The following IFT122 variants were observed in gnomAD, a reference collection of about 807,000 sequenced individuals.
IFT122 encodes the protein intraflagellar transport 122.
Under a neutral mutation model 161.6 loss-of-function variants are expected in IFT122, and 118 were observed. The observed-to-expected ratio is 0.73, with a 90% confidence interval of 0.63 to 0.85. The LOEUF is 0.85. Among genes scored for constraint, IFT122 ranks in the 40% least tolerant of loss-of-function variants. IFT122 has a pLI of 0.00. For missense variants in IFT122, 1,381 were observed against 1,579.6 expected (o/e 0.87, Z 2.13); for synonymous variants, 550 against 602.4 (o/e 0.91, Z 1.27).
intron 16 of IFT122, among the ~76,000 whole-genome samples, chr3:129,488,891 A>G (rs2079660671): frequency 6.6e-6 from 1 of 152,094 alleles, no homozygotes; most frequent in Admixed American, 6.6e-5. Flanking sequence ...CAATGTGGGC[A>G]CTTCCCACGT....
At chr3:129,440,425 G>T (rs1407607724) in intron 1 of IFT122, 54 bp downstream of exon 1, 1 of 1,537,370 alleles carries the variant, frequency 6.5e-7, no homozygotes, top group African/African-American at 1.4e-5. Context: ...CGCGGGGAGT[G>T]CGCGAGCCGC....
intron 18 of IFT122, among the ~76,000 whole-genome samples, chr3:129,496,817 A>G (rs2108494207): frequency 6.6e-6 from 1 of 152,230 alleles, no homozygotes; most frequent in East Asian, 1.9e-4. Context: ...CACCTAGAAG[A>G]TTTCATAACA....
At chr3:129,501,839 C>T (rs1207114337) in intron 19 of IFT122, among the ~76,000 whole-genome samples, 2 of 152,168 alleles carry the variant, frequency 1.3e-5, no homozygotes, top group Non-Finnish European at 2.9e-5. Flanking sequence ...TTTTTAGATG[C>T]CATTATTATT....
intron 18 of IFT122, among the ~76,000 whole-genome samples, chr3:129,497,321 G>T (rs1204365168): frequency 2.0e-5 from 3 of 152,216 alleles, no homozygotes; most frequent in African/African-American, 7.2e-5. Context: ...TGTGAGTGCA[G>T]TTTCTTTCTG....
At chr3:129,484,013 G>T in intron 15 of IFT122, 1 of 412,334 alleles carries the variant, frequency 2.4e-6, no homozygotes, top group South Asian at 2.1e-5. Flanking sequence ...GCAAAGCCGG[G>T]AGTCCGGCAG....
chr3:129,512,559 T>C, intron 24 of IFT122, 147 bp downstream of exon 24: 1 of 729,552 alleles, frequency 1.4e-6, no homozygotes, highest in South Asian at 1.5e-5. Context: ...CGCTGCTGTT[T>C]GGCTATAGAG....
chr3:129,507,818 CG>C, intron 23 of IFT122, 56 bp downstream of exon 23: 1 of 1,303,000 alleles, frequency 7.7e-7, no homozygotes. Flanking sequence ...CTAGGGGTCC[CG>C]GGCATATCTA....
chr3:129,466,628 A>G (rs1278504199), intron 7 of IFT122, among the ~76,000 whole-genome samples: 2 of 150,554 alleles, frequency 1.3e-5, no homozygotes, highest in Non-Finnish European at 3.0e-5. Context: ...CAGCCTCCCA[A>G]GTAGCTTGGA....
chr3:129,515,467 G>T, intron 25 of IFT122, 21 bp from the exon 26 acceptor site: 2 of 1,145,436 alleles, frequency 1.7e-6, no homozygotes. Flanking sequence ...GGCCCCTCGG[G>T]AGTCCGTGGC....
rs189052605 is a variant in IFT122 at position 129,465,505 on chromosome 3, C to T, written c.563+724C>T. Among the ~76,000 whole-genome samples the T allele has an allele frequency of 8.2e-5, 11 of 134,418 alleles. No individual in the cohort carries two copies. The East Asian group carries it at 1.8e-3, about 21-fold the overall frequency. 88.2% of individuals were successfully genotyped at this position (134,418 alleles called of 152,430 possible). A position where few individuals can be genotyped will look rare whatever the true frequency, so the allele number is the denominator to read the frequency against. On this transcript the variant is annotated intron_variant, in intron 7 of 29. Coordinates refer to ENST00000348417, the MANE Select transcript of IFT122 (RefSeq NM_052989.3). ...TTTTTTTTTGAGATGGAGTCTCGCT[C>T]GGTTGCCCAGCCTGGAGTGCAGTGG...
At chr3:129,443,822 G>A (rs904708835) in intron 1 of IFT122, among the ~76,000 whole-genome samples, 3 of 152,212 alleles carry the variant, frequency 2.0e-5, no homozygotes, top group African/African-American at 7.2e-5. Context: ...CAAATTTCAA[G>A]ATATTCAGAG....
intron 3 of IFT122, among the ~76,000 whole-genome samples, chr3:129,454,714 GGCCTCTGGT>G (rs1202420914): frequency 6.6e-6 from 1 of 152,052 alleles, no homozygotes; most frequent in Admixed American, 6.6e-5. Context: ...AGAGCTATTG[GGCCTCTGGT>G]GCCTCTGGTG....
At chr3:129,461,027 A>T (rs551925009) in intron 4 of IFT122, 1 of 1,127,390 alleles carries the variant, frequency 8.9e-7, no homozygotes, top group Non-Finnish European at 1.4e-6. Context: ...ATCTCTACAA[A>T]TAAGAAAACA....
chr3:129,459,771 TCC>T (rs2076027763), intron 4 of IFT122, among the ~76,000 whole-genome samples: 1 of 140,150 alleles, frequency 7.1e-6, no homozygotes, highest in African/African-American at 2.8e-5. Flanking sequence ...CTTCCTTCCT[TCC>T]TTTCTTTTCA....
chr3:129,502,626 C>A, intron 19 of IFT122, 85 bp from the exon 20 acceptor site: 1 of 1,496,674 alleles, frequency 6.7e-7, no homozygotes, highest in Non-Finnish European at 9.2e-7. Context: ...AGTATCAACA[C>A]TGGGGACCAC....
chr3:129,478,946 A>G (rs1410821240), intron 12 of IFT122, among the ~76,000 whole-genome samples: 1 of 152,192 alleles, frequency 6.6e-6, no homozygotes, highest in Non-Finnish European at 1.5e-5. Context: ...ATATTTCTCA[A>G]GATTCTTAGA....
At position 129,512,351 on chromosome 3, in the gene IFT122, A is replaced by G. The variant is rs1007322455; in HGVS notation, c.2926A>G (p.Asn976Asp). The G allele has an allele frequency of 2.5e-6, 4 of 1,614,150 alleles. No homozygotes were observed. The highest frequency in any genetic ancestry group is 3.3e-5 in the Admixed American group (2 of 60,026). ...FSVHRPETLF[N>D]ISRFLLHSLP... is the part of the protein sequence containing the mutation. ...TGTCCATCGTCCTGAAACTCTTTTC[A>G]ACATCTCCAGGTTCCTGCTGCACAG... is the stretch of plus-strand genomic sequence containing the variant. Residue 976 changes from asparagine to aspartate, a missense_variant, in exon 24 of 30, where the codon AAC becomes GAC. Physicochemically the swap from Asn to Asp is conservative, Grantham distance 23. Around this residue, in one of 7 missense-constraint regions of IFT122, gnomAD observed 496 missense variants for 502.5 expected, o/e 0.99. Transcript: ENST00000348417.
intron 18 of IFT122, among the ~76,000 whole-genome samples, chr3:129,497,419 G>T (rs148471238): frequency 5.9e-5 from 9 of 152,328 alleles, no homozygotes; most frequent in South Asian, 2.1e-4. Context: ...TTAGTCATGA[G>T]ATTTGCACAG....
At chr3:129,500,990 C>T (rs1229251062) in intron 19 of IFT122, among the ~76,000 whole-genome samples, 2 of 152,094 alleles carry the variant, frequency 1.3e-5, no homozygotes, top group South Asian at 2.1e-4. Flanking sequence ...TGGCCCATCC[C>T]AGGGTGTTGG....
Sources: gnomAD v4.1 joint callset for allele counts (sites outside exome capture counted in the v4.1 genomes callset) on GRCh38, gnomAD v4.1.1 for gene constraint, gnomAD v4.1.1 regional missense constraint, MANE v1.5 for transcripts, NCBI Gene and HGNC (gene_info 2026-07-23, HGNC 2026-07-21) for gene names.